The following RPS17 variants were observed in gnomAD, a reference collection of about 807,000 sequenced individuals.
RPS17 encodes small ribosomal subunit protein eS17.
For synonymous variants in RPS17, 75 were observed against 65.6 expected (o/e 1.14, Z -0.70); for missense variants, 68 against 182.3 (o/e 0.37, Z 3.61).
intron 3 of RPS17, 32 bp from the exon 4 acceptor site, chr15:82,538,403 A>C: frequency 1.2e-6 from 2 of 1,608,858 alleles, no homozygotes; most frequent in East Asian, 4.5e-5. Flanking sequence ...TCAAAATACC[A>C]ATCAATGAGA....
chr15:82,539,309 A>C (rs2034299280), intron 2 of RPS17: 3 of 520,914 alleles, frequency 5.8e-6, no homozygotes, highest in Non-Finnish European at 7.4e-6. Context: ...CTTGGCAATT[A>C]ATACGTTGAC....
chr15:82,537,512 A>G (rs1458241688), intron 4 of RPS17: 1 of 308,866 alleles, frequency 3.2e-6, no homozygotes, highest in African/African-American at 2.2e-5. Flanking sequence ...CCTGCCCTCA[A>G]ACAAGTTCAG....
At chr15:82,539,810 C>G in intron 2 of RPS17, 171 bp downstream of exon 2, 1 of 1,212,874 alleles carries the variant, frequency 8.2e-7, no homozygotes, top group East Asian at 2.3e-5. Context: ...ATGACACAGG[C>G]CTAAGTTCAC....
At chr15:82,538,021 C>G (rs1472050317) in intron 4 of RPS17, 6 of 500,022 alleles carry the variant, frequency 1.2e-5, no homozygotes, top group South Asian at 4.6e-5. Flanking sequence ...AGGGCTGACA[C>G]AAAGGGGGCA....
intron 4 of RPS17, chr15:82,537,173 A>T (rs2034255228): frequency 2.0e-6 from 1 of 506,764 alleles, no homozygotes; most frequent in Admixed American, 3.2e-5. Context: ...TCACTCTAAA[A>T]CACCGTTTCT....
Position 82,540,299 on chromosome 15 carries a change from G to A in RPS17, c.3+127C>T, listed in dbSNP as rs1016996641. The A allele has an allele frequency of 3.5e-5, 56 of 1,585,716 alleles. No homozygotes were observed. The Admixed American group carries it at 9.2e-4, about 26-fold the overall frequency. ...GGCTTAATGCGGAAGCCGCCGGCCC[G>A]TTGCGCTCCAGCCTGACAGGGCTCT... On this transcript the variant is annotated intron_variant, in intron 1 of 4. Transcript: ENST00000647841.
rs1232183845 is a variant in RPS17 at position 82,540,382 on chromosome 15, G to A, written c.3+44C>T. 5.7e-6 allele frequency: 9 copies of A among 1,590,878 alleles called. No individual in the cohort carries two copies. In the South Asian group the frequency reaches 9.1e-5, roughly 16 times the overall value. On this transcript the variant is annotated intron_variant, in intron 1 of 4. Transcript: ENST00000647841. ...TGAGGACCGCGGGAAGCTGCAGATG[G>A]GGGACGATTGTGGAGGATGGCGGCC...
intron 2 of RPS17, chr15:82,539,612 C>T (rs1293929213): frequency 1.5e-5 from 6 of 412,142 alleles, no homozygotes; most frequent in Non-Finnish European, 2.8e-5. Context: ...TCGCTTGAAC[C>T]CGGGAGACGG....
chr15:82,537,133 G>T (rs1017851422), intron 4 of RPS17: 4 of 586,514 alleles, frequency 6.8e-6, no homozygotes, highest in East Asian at 3.0e-5. Flanking sequence ...CATGCCATTT[G>T]TATCTGTTTT....
At chr15:82,538,551 T>TACCTTCCCATGCCCTC (rs1230065826) in intron 3 of RPS17, 180 bp from the exon 4 acceptor site, 19 of 740,638 alleles carry the variant, frequency 2.6e-5, no homozygotes, top group Non-Finnish European at 4.1e-5. Context: ...CTTCTGGCCT[T>TACCTTCCCATGCCCTC]ACCTTCCCAT....
intron 4 of RPS17, chr15:82,537,804 CGCCCATGAA>C (rs1489706751): frequency 4.5e-6 from 2 of 447,106 alleles, no homozygotes; most frequent in Non-Finnish European, 9.0e-6. Context: ...AATCACCAAC[CGCCCATGAA>C]GCCCATGCTT....
At chr15:82,537,101 CTA>C (rs1332252816) in intron 4 of RPS17, 8 of 639,230 alleles carry the variant, frequency 1.3e-5, no homozygotes, top group East Asian at 2.8e-5. Context: ...ATTTACAACT[CTA>C]TGACTTTTAC....
chr15:82,539,126 C>T (rs1445480854), intron 2 of RPS17, 141 bp from the exon 3 acceptor site: 1 of 851,018 alleles, frequency 1.2e-6, no homozygotes, highest in African/African-American at 1.7e-5. Context: ...CCTGGGACCT[C>T]CTACACATAG....
In RPS17 at chr15:82,539,114, A is replaced by G; in HGVS notation, c.156-129T>C. On this transcript the variant is annotated intron_variant, in intron 2 of 4. Transcript: ENST00000647841. ...ACAGTGAGAAGGAAGAGGACTCACT[A>G]TCCTGGGACCTCCTACACATAGAAC... 6 of 925,798 alleles carry G rather than the reference A, an allele frequency of 6.5e-6. No homozygotes were observed. The Admixed American group carries it at 8.7e-5, about 13-fold the overall frequency. The allele number at this position is 925,798 out of a possible 1,614,324, so 57.3% of individuals were successfully genotyped here.
intron 1 of RPS17, 23 bp from the exon 2 acceptor site, chr15:82,540,155 C>G (rs1379791881): frequency 6.2e-7 from 1 of 1,613,698 alleles, no homozygotes; most frequent in Non-Finnish European, 8.5e-7. Flanking sequence ...AGGACAGGAT[C>G]ACTCACGAGC....
intron 4 of RPS17, chr15:82,537,287 G>A (rs1437109059): frequency 3.2e-6 from 1 of 309,458 alleles, no homozygotes; most frequent in African/African-American, 2.2e-5. Context: ...CTACCCCTTA[G>A]AAGTTAGCAG....
intron 1 of RPS17, 131 bp downstream of exon 1, chr15:82,540,295 G>C (rs2034326850): frequency 1.9e-6 from 3 of 1,586,066 alleles, no homozygotes; most frequent in Non-Finnish European, 2.6e-6. Flanking sequence ...GAAGCCGCCG[G>C]CCCGTTGCGC....
Position 82,539,057 on chromosome 15 carries a change from GCA to G in RPS17, c.156-74_156-73del. The G allele has an allele frequency of 2.7e-6, 4 of 1,465,750 alleles. No homozygotes were observed. The African/African-American group carries it at 5.5e-5, about 20-fold the overall frequency. The allele number at this position is 1,465,750 out of a possible 1,614,324, so 90.8% of individuals were successfully genotyped here. On this transcript the variant is annotated intron_variant, in intron 2 of 4. Coordinates refer to ENST00000647841, the MANE Select transcript of RPS17 (RefSeq NM_001021.6). ...CTCCCACCTGGTACTGAGCACATGT[GCA>G]TATATAAATACCCGCTTTAGTTCTT...
At chr15:82,540,168 G>A (rs1595979865) in intron 1 of RPS17, 36 bp from the exon 2 acceptor site, 1 of 1,613,488 alleles carries the variant, frequency 6.2e-7, no homozygotes, top group Admixed American at 1.7e-5. Context: ...TCACGAGCCA[G>A]CGCAACCTTC....
Sources: gnomAD v4.1 joint callset for allele counts on GRCh38, gnomAD v4.1.1 for gene constraint, MANE v1.5 for transcripts, NCBI Gene and HGNC (gene_info 2026-07-23, HGNC 2026-07-21) for gene names.